Variants in LIPC observed in about 807,000 individuals in gnomAD.
The protein encoded by LIPC is hepatic triacylglycerol lipase.
In LIPC, 44 loss-of-function variants were observed where a neutral mutation model predicts 50.7. The ratio of observed to expected loss-of-function variants is 0.87; its 90% CI spans 0.68 to 1.11. The LOEUF (loss-of-function observed/expected upper bound fraction) is 1.11. Among genes scored for constraint, LIPC ranks in the 50% most tolerant of loss-of-function variants. The pLI, the probability that LIPC is intolerant of heterozygous loss-of-function variation, is 0.00. For synonymous variants in LIPC, 271 were observed against 256.4 expected, an observed-to-expected ratio of 1.06 and a Z score of -0.54; for missense variants, 697 against 648.2, an observed-to-expected ratio of 1.08 and a Z score of -0.82.
chr15:58,467,658 G>C (rs1480367946), intron 1 of LIPC, among the ~76,000 whole-genome samples: 1 of 152,134 alleles, frequency 6.6e-6, no homozygotes, highest in Non-Finnish European at 1.5e-5. Flanking sequence ...TATCTTATCA[G>C]AGTGGCCCAT....
intron 1 of LIPC, among the ~76,000 whole-genome samples, chr15:58,516,657 T>A (rs965085907): frequency 7.2e-5 from 11 of 152,236 alleles, no homozygotes; most frequent in African/African-American, 2.4e-4. Flanking sequence ...GATTTTTGAA[T>A]CTCTAGAAGT....
intron 1 of LIPC, among the ~76,000 whole-genome samples, chr15:58,462,447 T>C (rs1324647107): frequency 1.3e-5 from 2 of 152,182 alleles, no homozygotes; most frequent in African/African-American, 4.8e-5. Flanking sequence ...CAGCACCTTT[T>C]TGAAGAGTTG....
At chr15:58,441,076 G>A (rs1040241241) in intron 1 of LIPC, among the ~76,000 whole-genome samples, 2 of 152,172 alleles carry the variant, frequency 1.3e-5, no homozygotes, top group South Asian at 4.1e-4. Flanking sequence ...CTAAAACCCT[G>A]GCCACTCCCT....
At chr15:58,484,875 A>T (rs1891314906) in intron 1 of LIPC, among the ~76,000 whole-genome samples, 1 of 152,224 alleles carries the variant, frequency 6.6e-6, no homozygotes, top group African/African-American at 2.4e-5. Context: ...AGTTAACTAG[A>T]CTAACAGGGG....
chr15:58,438,431 C>T (rs1376707899), intron 1 of LIPC, among the ~76,000 whole-genome samples: 4 of 152,058 alleles, frequency 2.6e-5, no homozygotes, highest in African/African-American at 7.2e-5. Context: ...TCGAGTGGGG[C>T]GCTCTCAGCT....
intron 6 of LIPC, among the ~76,000 whole-genome samples, chr15:58,555,552 A>G (rs1464143169): frequency 6.6e-6 from 1 of 152,254 alleles, no homozygotes; most frequent in Non-Finnish European, 1.5e-5. Flanking sequence ...TATCTGGATA[A>G]CTATAGGTCT....
chr15:58,501,227 C>T (rs1274649571), intron 1 of LIPC, among the ~76,000 whole-genome samples: 1 of 152,154 alleles, frequency 6.6e-6, no homozygotes, highest in African/African-American at 2.4e-5. Flanking sequence ...GATTTCCTAA[C>T]AGGCCCCCTC....
intron 1 of LIPC, among the ~76,000 whole-genome samples, chr15:58,528,131 ACT>A (rs1193771336): frequency 1.5e-4 from 17 of 110,556 alleles, no homozygotes; most frequent in Non-Finnish European, 3.0e-4. Flanking sequence ...CAAGAGCAAA[ACT>A]CTGTCTCAAA....
In LIPC at chr15:58,542,625, G is replaced by T; in HGVS notation, c.548G>T (p.Gly183Val). ...VSGFAGSSIG[G>V]THKIGRITGL... is the part of the protein sequence containing the mutation. ...GGATTTGCCGGCAGTTCCATCGGTG[G>T]AACGCACAAGATTGGGAGAATCACA... The change falls in exon 4 of 9, where the codon GGA (glycine) becomes GTA (valine). Residue 183 changes from glycine (G) to valine (V), a missense_variant. By Grantham distance (109) the Gly-to-Val change is moderately radical. Coordinates refer to ENST00000299022, the MANE Select transcript of LIPC (RefSeq NM_000236.3). The T allele has an allele frequency of 6.2e-7, 1 of 1,613,162 alleles. No individual in the cohort carries two copies. Among genetic ancestry groups the T allele is most frequent in the South Asian group, 1.1e-5 (1 of 91,030 alleles).
intron 1 of LIPC, among the ~76,000 whole-genome samples, chr15:58,471,636 C>T (rs1202120445): frequency 6.6e-6 from 1 of 152,152 alleles, no homozygotes; most frequent in Admixed American, 6.5e-5. Context: ...TAGGGGTGAG[C>T]TGAATAGTGA....
At chr15:58,540,823 C>T (rs531205287) in intron 2 of LIPC, among the ~76,000 whole-genome samples, 4 of 152,116 alleles carry the variant, frequency 2.6e-5, no homozygotes, top group South Asian at 2.1e-4. Flanking sequence ...TGTTTTGTTG[C>T]GATAGGGTCT....
intron 1 of LIPC, among the ~76,000 whole-genome samples, chr15:58,515,533 C>CATATATATATATATATATATATAT (rs1555403164): frequency 7.8e-5 from 11 of 141,718 alleles, no homozygotes; most frequent in African/African-American, 2.7e-4. Flanking sequence ...TATACACACA[C>CATATATATATATATATATATATAT]ATATATATAT....
intron 1 of LIPC, among the ~76,000 whole-genome samples, chr15:58,468,581 G>C (rs1303023850): frequency 2.6e-5 from 4 of 152,206 alleles, no homozygotes; most frequent in African/African-American, 4.8e-5. Context: ...CCTAACATGA[G>C]TTAAGCTGTC....
intron 1 of LIPC, among the ~76,000 whole-genome samples, chr15:58,449,051 C>T (rs1466507088): frequency 1.3e-5 from 2 of 151,534 alleles, no homozygotes. Flanking sequence ...GCTAGGTGCA[C>T]ACGACGGGCA....
chr15:58,553,020 G>A lies in LIPC; in HGVS notation c.1051+4448G>A, dbSNP rs949908750. 7.2e-5 allele frequency among the ~76,000 whole-genome samples: 11 copies of A among 152,110 alleles called. 1 individual carries two copies. Among genetic ancestry groups the A allele is most frequent in the Admixed American group, 1.3e-4 (2 of 15,278 alleles). On this transcript the variant is annotated intron_variant, in intron 6 of 8. Transcript: ENST00000299022. Reference sequence around the variant, plus strand: ...TCTGGAAGGCAGGCATTTTTTCATCGCCATCTTATCACATTTTTACAGCGA... The same window carrying A: ...TCTGGAAGGCAGGCATTTTTTCATCACCATCTTATCACATTTTTACAGCGA...
At chr15:58,568,084 C>G (rs1369368153) in intron 8 of LIPC, among the ~76,000 whole-genome samples, 1 of 152,250 alleles carries the variant, frequency 6.6e-6, no homozygotes, top group African/African-American at 2.4e-5. Context: ...TTAACAGATG[C>G]AATTGGAAAT....
chr15:58,561,974 C>T (rs1463701806), intron 7 of LIPC, among the ~76,000 whole-genome samples: 1 of 152,174 alleles, frequency 6.6e-6, no homozygotes, highest in Middle Eastern at 3.2e-3. Context: ...TTTTAGTTTA[C>T]ATGGGCTTGA....
chr15:58,496,700 A>G (rs1192770625), intron 1 of LIPC, among the ~76,000 whole-genome samples: 2 of 145,606 alleles, frequency 1.4e-5, no homozygotes, highest in African/African-American at 5.1e-5. Flanking sequence ...TACTCACAAA[A>G]TTAAGCAGAG....
intron 1 of LIPC, among the ~76,000 whole-genome samples, chr15:58,515,523 T>TAC (rs1257197398): frequency 1.2e-4 from 1 of 8,074 alleles, no homozygotes; most frequent in Non-Finnish European, 1.1e-3. Flanking sequence ...GGTCTTTGCA[T>TAC]ATACACACAC....
Sources: gnomAD v4.1 joint callset for allele counts (sites outside exome capture counted in the v4.1 genomes callset) on GRCh38, gnomAD v4.1.1 for gene constraint, MANE v1.5 for transcripts, NCBI Gene and HGNC (gene_info 2026-07-23, HGNC 2026-07-21) for gene names.